Variants in FRS2 observed in about 807,000 individuals in gnomAD.
FRS2 encodes the protein fibroblast growth factor receptor substrate 2.
In FRS2, 8 loss-of-function variants were observed where a neutral mutation model predicts 43.9. The observed-to-expected ratio is 0.18, with a 90% confidence interval of 0.11 to 0.33. The LOEUF (loss-of-function observed/expected upper bound fraction) is 0.33, where lower values mean the gene tolerates loss of function less well. Among genes scored for constraint, FRS2 ranks in the 10% least tolerant of loss-of-function variants. FRS2 has a pLI of 1.00. For synonymous variants in FRS2, 219 were observed against 220.3 expected (o/e 0.99, Z 0.05); for missense variants, 534 against 627.6 (o/e 0.85, Z 1.59).
intron 1 of FRS2, among the ~76,000 whole-genome samples, chr12:69,501,965 G>T (rs11177695): frequency 0.21 from 29,699 of 140,682 alleles, 3,097 homozygotes; most frequent in East Asian, 0.37. Flanking sequence ...TTTTTGTTTT[G>T]TTTTTTTTGT....
At chr12:69,517,743 G>A (rs767450942) in intron 1 of FRS2, among the ~76,000 whole-genome samples, 1 of 152,058 alleles carries the variant, frequency 6.6e-6, no homozygotes, top group Non-Finnish European at 1.5e-5. Flanking sequence ...TGTTATACAT[G>A]TATTAAGCTA....
intron 1 of FRS2, chr12:69,480,176 G>C (rs191075736): frequency 6.6e-6 from 1 of 152,056 alleles, no homozygotes; most frequent in Non-Finnish European, 1.5e-5. Flanking sequence ...CAGTTCGGTG[G>C]CATTAAGTGC....
intron 1 of FRS2, among the ~76,000 whole-genome samples, chr12:69,472,847 G>A (rs1870435012): frequency 6.6e-6 from 1 of 152,064 alleles, no homozygotes; most frequent in South Asian, 2.1e-4. Flanking sequence ...TTTGTAATTG[G>A]GACTTAACAT....
chr12:69,495,784 C>G (rs984033810), intron 1 of FRS2, among the ~76,000 whole-genome samples: 3 of 151,976 alleles, frequency 2.0e-5, no homozygotes, highest in African/African-American at 7.3e-5. Flanking sequence ...CACCTGTAGT[C>G]GTAGCTACTT....
chr12:69,486,558 C>T (rs1454380809), intron 1 of FRS2, among the ~76,000 whole-genome samples: 1 of 152,082 alleles, frequency 6.6e-6, no homozygotes, highest in Non-Finnish European at 1.5e-5. Context: ...TCTAAGTGTT[C>T]AAGTGAAAGG....
In FRS2 at chr12:69,570,290, A is replaced by G. The variant is rs774907910; in HGVS notation, c.67-41A>G. On this transcript the variant is annotated intron_variant, in intron 5 of 8. Transcript: ENST00000549921. ...TAGCAACAATGCATTTTCCTGACGAATTGGTGACATATTTGCATGACTGTC... is the reference window on the plus strand; with the variant it reads ...TAGCAACAATGCATTTTCCTGACGAGTTGGTGACATATTTGCATGACTGTC... 7 of 1,427,006 alleles carry G rather than the reference A, an allele frequency of 4.9e-6. No individual in the cohort carries two copies. The African/African-American group carries it at 8.4e-5, about 17-fold the overall frequency. 88.4% of individuals were successfully genotyped at this position (1,427,006 alleles called of 1,614,324 possible).
chr12:69,488,290 C>T (rs974744643), intron 1 of FRS2, among the ~76,000 whole-genome samples: 6 of 152,104 alleles, frequency 3.9e-5, no homozygotes, highest in East Asian at 1.9e-4. Flanking sequence ...AAGAAATTGC[C>T]GCAGCCACCC....
rs373112727 is a variant in FRS2 at position 69,505,865 on chromosome 12, C to T, written c.-260-25000C>T. The stretch of plus-strand genomic sequence containing the variant: ...GTATGATTAGTTTCCAATGCAGATT[C>T]CAAGAATGTTTCTGCACATGAGTTC... On this transcript the variant is annotated intron_variant, in intron 1 of 8. Transcript: ENST00000549921. Among the ~76,000 whole-genome samples the T allele has an allele frequency of 2.6e-5, 4 of 152,250 alleles. No individual in the cohort carries two copies. In the East Asian group the frequency reaches 5.8e-4, roughly 22 times the overall value.
chr12:69,514,693 C>T (rs1010197367), intron 1 of FRS2, among the ~76,000 whole-genome samples: 2 of 151,990 alleles, frequency 1.3e-5, no homozygotes, highest in African/African-American at 2.4e-5. Context: ...CTTAGCCAAG[C>T]GTGTTGGTGT....
intron 1 of FRS2, chr12:69,491,743 C>T (rs1052157585): frequency 1.3e-5 from 2 of 152,012 alleles, no homozygotes; most frequent in African/African-American, 4.8e-5. Context: ...AGTGCCTGGC[C>T]TCAAGTAGTC....
chr12:69,470,500 G>C lies in FRS2; in HGVS notation c.-291G>C. 1 of 398,678 alleles carries C rather than the reference G, an allele frequency of 2.5e-6. No individual in the cohort carries two copies. The highest frequency in any genetic ancestry group is 4.4e-6 in the Non-Finnish European group (1 of 226,134). 24.7% of individuals were successfully genotyped at this position (398,678 alleles called of 1,614,324 possible). A position where few individuals can be genotyped will look rare whatever the true frequency, so the allele number is the denominator to read the frequency against. On this transcript the variant is annotated 5_prime_UTR_variant, in exon 1 of 9. Coordinates refer to ENST00000549921, the MANE Select transcript of FRS2 (RefSeq NM_001278356.2). ...TGGGGGTTCGCGCCCGCCGACCCGCGCCCTGCTCCCTCTCAGCACCTGGGC... is the reference window on the plus strand; with the variant it reads ...TGGGGGTTCGCGCCCGCCGACCCGCCCCCTGCTCCCTCTCAGCACCTGGGC...
chr12:69,506,547 A>T (rs1405476938), intron 1 of FRS2, among the ~76,000 whole-genome samples: 1 of 152,094 alleles, frequency 6.6e-6, no homozygotes, highest in African/African-American at 2.4e-5. Context: ...CCAGAGAGAG[A>T]GAGTACTCAT....
chr12:69,555,777 A>C (rs1010607577), intron 3 of FRS2, among the ~76,000 whole-genome samples: 8 of 152,188 alleles, frequency 5.3e-5, no homozygotes, highest in African/African-American at 1.7e-4. Flanking sequence ...CATTTTTATT[A>C]GTGGGATACT....
intron 3 of FRS2, among the ~76,000 whole-genome samples, chr12:69,557,619 T>TGTGTGTGTGTGTGTGTGTGTGTGCGCGC (rs1555192498): frequency 8.4e-6 from 1 of 118,966 alleles, no homozygotes; most frequent in African/African-American, 2.8e-5. Flanking sequence ...TGTGTGTGTG[T>TGTGTGTGTGTGTGTGTGTGTGTGCGCGC]GCGCGCGCGC....
At chr12:69,565,509 C>T (rs1220652399) in intron 4 of FRS2, among the ~76,000 whole-genome samples, 4 of 152,250 alleles carry the variant, frequency 2.6e-5, no homozygotes, top group South Asian at 4.2e-4. Context: ...TAATATTTAG[C>T]TTAAAACACA....
intron 1 of FRS2, among the ~76,000 whole-genome samples, chr12:69,523,517 C>G (rs1380244112): frequency 6.6e-6 from 1 of 152,086 alleles, no homozygotes; most frequent in Non-Finnish European, 1.5e-5. Flanking sequence ...TTGGGTCTTG[C>G]TGCTTTATCC....
chr12:69,524,428 G>A (rs897967943), intron 1 of FRS2, among the ~76,000 whole-genome samples: 2 of 152,078 alleles, frequency 1.3e-5, no homozygotes, highest in African/African-American at 2.4e-5. Context: ...AGCCTGGTGT[G>A]TGTCTGTGGG....
At chr12:69,558,773 C>CAGTA (rs1879643192) in intron 3 of FRS2, among the ~76,000 whole-genome samples, 1 of 152,188 alleles carries the variant, frequency 6.6e-6, no homozygotes, top group Admixed American at 6.5e-5. Flanking sequence ...TCCCACTAGA[C>CAGTA]AGTAAGCTCC....
At chr12:69,540,224 G>C (rs918883094) in intron 3 of FRS2, among the ~76,000 whole-genome samples, 10 of 151,878 alleles carry the variant, frequency 6.6e-5, no homozygotes, top group African/African-American at 2.2e-4. Context: ...CTGCACTCCA[G>C]CCTGGACGAC....
Sources: allele counts gnomAD v4.1 joint callset (sites outside exome capture counted in the v4.1 genomes callset), GRCh38; gene constraint gnomAD v4.1.1; transcripts MANE v1.5; gene names NCBI Gene and HGNC (gene_info 2026-07-23, HGNC 2026-07-21).